ADCY5: variants seen among roughly 807,000 people sequenced by gnomAD.
ADCY5 encodes adenylate cyclase 5.
Under a neutral mutation model 119.7 loss-of-function variants are expected in ADCY5, and 30 were observed. The observed-to-expected ratio is 0.25, with a 90% CI of 0.19 to 0.34. The LOEUF (loss-of-function observed/expected upper bound fraction) is 0.34. Among genes scored for constraint, ADCY5 ranks in the 10% least tolerant of loss-of-function variants. ADCY5 has a pLI of 1.00. For missense variants in ADCY5, 1,324 were observed against 1,775.2 expected, an observed-to-expected ratio of 0.75 and a Z score of 4.57; for synonymous variants, 753 against 762.2, an observed-to-expected ratio of 0.99 and a Z score of 0.20.
chr3:123,326,788 C>G (rs1190387726), intron 7 of ADCY5, among the ~76,000 whole-genome samples: 3 of 46,268 alleles, frequency 6.5e-5, no homozygotes, highest in Non-Finnish European at 2.7e-4. Context: ...GATAAGGTGT[C>G]CCTCTGATGT....
chr3:123,418,125 A>G (rs926459031), intron 1 of ADCY5, among the ~76,000 whole-genome samples: 1 of 152,228 alleles, frequency 6.6e-6, no homozygotes, highest in Non-Finnish European at 1.5e-5. Context: ...TGGTTCCTGG[A>G]AAGGCCAGTG....
intron 1 of ADCY5, among the ~76,000 whole-genome samples, chr3:123,379,650 G>A (rs1559848959): frequency 6.6e-6 from 1 of 151,846 alleles, no homozygotes; most frequent in Non-Finnish European, 1.5e-5. Flanking sequence ...AGGCTGTCAG[G>A]AGAGGCTCTG....
At chr3:123,302,826 A>G (rs1939922077) in intron 14 of ADCY5, among the ~76,000 whole-genome samples, 1 of 152,208 alleles carries the variant, frequency 6.6e-6, no homozygotes, top group African/African-American at 2.4e-5. Flanking sequence ...AGCACTATAG[A>G]AACAACAGCT....
chr3:123,416,370 G>C, intron 1 of ADCY5: 1 of 1,507,272 alleles, frequency 6.6e-7, no homozygotes, highest in Non-Finnish European at 8.9e-7. Flanking sequence ...CCTTGTCTTG[G>C]GGAAGACACC....
intron 17 of ADCY5, among the ~76,000 whole-genome samples, chr3:123,292,955 G>A (rs1026325731): frequency 3.9e-5 from 6 of 152,186 alleles, no homozygotes; most frequent in Admixed American, 1.3e-4. Context: ...GGAAGCTAGG[G>A]GCAGGGCCGC....
chr3:123,374,095 T>C (rs1296768435), intron 1 of ADCY5, among the ~76,000 whole-genome samples: 2 of 152,098 alleles, frequency 1.3e-5, no homozygotes, highest in African/African-American at 4.8e-5. Flanking sequence ...TAAGTTCAGA[T>C]TGCAAATGCC....
At chr3:123,358,195 T>TGTGTGTGTGTGTGTGTGTGG (rs58986112) in intron 1 of ADCY5, among the ~76,000 whole-genome samples, 3 of 149,078 alleles carry the variant, frequency 2.0e-5, no homozygotes, top group African/African-American at 7.5e-5. Context: ...TGTGTGTGTG[T>TGTGTGTGTGTGTGTGTGTGG]AGGGAGTTGG....
intron 3 of ADCY5, among the ~76,000 whole-genome samples, chr3:123,336,739 G>A (rs989681617): frequency 1.3e-5 from 2 of 152,150 alleles, no homozygotes; most frequent in African/African-American, 2.4e-5. Flanking sequence ...GGTGGGCCAG[G>A]CCTCTGCCCA....
chr3:123,294,720 G>A (rs892366148), intron 17 of ADCY5, among the ~76,000 whole-genome samples: 1 of 152,328 alleles, frequency 6.6e-6, no homozygotes, highest in East Asian at 1.9e-4. Flanking sequence ...CGGGACAGTC[G>A]GCAACACTGA....
intron 1 of ADCY5, among the ~76,000 whole-genome samples, chr3:123,434,889 G>C (rs1353121927): frequency 6.6e-6 from 1 of 152,060 alleles, no homozygotes. Context: ...CCCTCAAAAG[G>C]ACCCGGGCCT....
chr3:123,318,814 A>G (rs1351354287), intron 10 of ADCY5, among the ~76,000 whole-genome samples: 2 of 152,038 alleles, frequency 1.3e-5, no homozygotes, highest in Non-Finnish European at 2.9e-5. Flanking sequence ...CCAGGGTCTG[A>G]CTCCAGCTCT....
At chr3:123,373,760 C>CT (rs200997352) in intron 1 of ADCY5, among the ~76,000 whole-genome samples, 1,834 of 20,064 alleles carry the variant, frequency 0.091, 74 homozygotes, top group African/African-American at 0.27. Context: ...AGCATCACGC[C>CT]CCCCCCCCCC....
In ADCY5 at chr3:123,291,394, C is replaced by A; in HGVS notation, c.3064-18G>T. ...TCTGTGGCCTGAGAGAAAAAGACTGCAAGTCACCCAGATGCCAATGTGAGC... is the reference window on the plus strand; with the variant it reads ...TCTGTGGCCTGAGAGAAAAAGACTGAAAGTCACCCAGATGCCAATGTGAGC... On this transcript the variant is annotated intron_variant, in intron 17 of 20. Coordinates refer to ENST00000462833, the MANE Select transcript of ADCY5 (RefSeq NM_183357.3). 1 of 1,596,914 alleles carries A rather than the reference C, an allele frequency of 6.3e-7. No homozygotes were observed. Among genetic ancestry groups the A allele is most frequent in the Non-Finnish European group, 8.6e-7 (1 of 1,167,792 alleles).
rs1225092218 is a variant in ADCY5, at chr3:123,448,056, G to A, written c.490C>T (p.Arg164Trp). 8.0e-7 allele frequency: 1 copy of A among 1,245,886 alleles called. No homozygotes were observed. Among genetic ancestry groups the A allele is most frequent in the South Asian group, 2.7e-5 (1 of 36,720 alleles). 77.2% of individuals were successfully genotyped at this position (1,245,886 alleles called of 1,614,324 possible). A position where few individuals can be genotyped will look rare whatever the true frequency, so the allele number is the denominator to read the frequency against. ...TCGTCGGCCGCGCGCCCCTTGCCCC[G>A]CCGCTCCTCCAGACCCACCTCCACC... The part of the protein sequence containing the change: ...RSVEVGLEER[R>W]GKGRAADELE... The change falls in exon 1 of 21, where the codon CGG (arginine) becomes TGG (tryptophan). Residue 164 changes from arginine (R) to tryptophan (W), a missense_variant. By Grantham distance (101) the Arg-to-Trp change is moderately radical. Transcript: ENST00000462833.
intron 1 of ADCY5, among the ~76,000 whole-genome samples, chr3:123,366,624 C>T (rs557022953): frequency 1.1e-4 from 16 of 152,162 alleles, no homozygotes; most frequent in Non-Finnish European, 2.4e-4. Context: ...ACTTATCTTA[C>T]ACACCACGAA....
chr3:123,316,461 T>C (rs973848849), intron 11 of ADCY5, among the ~76,000 whole-genome samples: 5 of 152,212 alleles, frequency 3.3e-5, no homozygotes, highest in African/African-American at 1.2e-4. Context: ...TTAGTGTTAA[T>C]TTCCCGGTTT....
chr3:123,367,326 A>G (rs1233817237), intron 1 of ADCY5, among the ~76,000 whole-genome samples: 2 of 152,230 alleles, frequency 1.3e-5, no homozygotes, highest in Non-Finnish European at 2.9e-5. Context: ...TACCTTGCAA[A>G]GGTTTTCCAG....
Position 123,286,082 on chromosome 3 carries a change from C to T in ADCY5, c.3657+603G>A, listed in dbSNP as rs532760573. ...CGTGCAGGAGGACTACTGCCCAGGG[C>T]GGTGCCTCTGCCATCAGACTGCAGC... is the stretch of plus-strand genomic sequence containing the variant. On this transcript the variant is annotated intron_variant, in intron 20 of 20. Transcript: ENST00000462833. This position sits in a 1 kb window ranked among gnomAD's most constrained non-coding sequence, Gnocchi z 4.2. 5.2e-4 allele frequency among the ~76,000 whole-genome samples: 79 copies of T among 152,264 alleles called. No individual in the cohort carries two copies. Among genetic ancestry groups the T allele is most frequent in the African/African-American group, 1.7e-3 (72 of 41,560 alleles).
intron 1 of ADCY5, among the ~76,000 whole-genome samples, chr3:123,354,494 A>T (rs1942971581): frequency 6.6e-6 from 1 of 152,224 alleles, no homozygotes; most frequent in African/African-American, 2.4e-5. Flanking sequence ...TGCTGTGATT[A>T]TGAAGTGAGA....
Sources: allele counts gnomAD v4.1 joint callset (sites outside exome capture counted in the v4.1 genomes callset), GRCh38; gene constraint gnomAD v4.1.1; non-coding constraint Gnocchi (gnomAD v3.1); transcripts MANE v1.5; gene names NCBI Gene and HGNC (gene_info 2026-07-23, HGNC 2026-07-21).